Variants in RBL2 observed in about 807,000 individuals in gnomAD.
RBL2 encodes the protein retinoblastoma-like protein 2.
RBL2 carries 56 observed loss-of-function variants against 126.0 expected under a neutral mutation model. The ratio of observed to expected loss-of-function variants is 0.44; its 90% CI spans 0.36 to 0.56. The LOEUF is 0.56. Among genes scored for constraint, RBL2 ranks in the 20% least tolerant of loss-of-function variants. The pLI is 0.00. For synonymous variants in RBL2, 454 were observed against 478.5 expected (o/e 0.95, Z 0.67); for missense variants, 1,229 against 1,398.2 (o/e 0.88, Z 1.93).
At chr16:53,435,034 C>T (rs1274508703) in intron 1 of RBL2, among the ~76,000 whole-genome samples, 2 of 152,202 alleles carry the variant, frequency 1.3e-5, no homozygotes, top group African/African-American at 4.8e-5. Flanking sequence ...AGTAGCACAG[C>T]AAGGCTGAGA....
At chr16:53,440,953 C>CTTTTTTTTTTTTTTTTTT (rs1178378934) in intron 2 of RBL2, among the ~76,000 whole-genome samples, 1 of 71,672 alleles carries the variant, frequency 1.4e-5, no homozygotes, top group Non-Finnish European at 2.5e-5. Context: ...TTTTTCAGTT[C>CTTTTTTTTTTTTTTTTTT]TTTTTTTTTT....
At chr16:53,469,650 C>G (rs1338814396) in intron 14 of RBL2, among the ~76,000 whole-genome samples, 2 of 152,084 alleles carry the variant, frequency 1.3e-5, no homozygotes, top group African/African-American at 4.8e-5. Flanking sequence ...AGAGTCAGGT[C>G]TGATTTGGGA....
rs1369637740 is a variant in RBL2, at chr16:53,457,268, T to G, written c.1180-2183T>G. 6.8e-4 allele frequency among the ~76,000 whole-genome samples: 84 copies of G among 123,682 alleles called. 2 individuals are homozygous for G. Among genetic ancestry groups the G allele is most frequent in the African/African-American group, 2.9e-3 (83 of 28,852 alleles). 81.1% of individuals were successfully genotyped at this position (123,682 alleles called of 152,430 possible). ...GGTGGGTACAGATAGCTTTTTTTTT[T>G]TTTTTTTTTGAGATGGAGTCTCGCT... On this transcript the variant is annotated intron_variant, in intron 8 of 21. Coordinates refer to ENST00000262133, the MANE Select transcript of RBL2 (RefSeq NM_005611.4).
At chr16:53,469,501 G>T (rs2058301006) in intron 14 of RBL2, among the ~76,000 whole-genome samples, 1 of 152,140 alleles carries the variant, frequency 6.6e-6, no homozygotes, top group Admixed American at 6.5e-5. Flanking sequence ...TAGTGGCTCT[G>T]TAGTAAAATC....
intron 21 of RBL2, among the ~76,000 whole-genome samples, chr16:53,485,143 G>A (rs1961115597): frequency 2.6e-5 from 4 of 152,154 alleles, no homozygotes; most frequent in African/African-American, 9.7e-5. Context: ...CAAGTGCAGA[G>A]AGAACATTTA....
In RBL2 at chr16:53,439,162, T is replaced by A; in HGVS notation, c.371+16T>A. On this transcript the variant is annotated intron_variant, in intron 2 of 21. Coordinates refer to ENST00000262133, the MANE Select transcript of RBL2 (RefSeq NM_005611.4). Reference sequence around the variant, plus strand: ...CAGAGCAGAGGTAACTATGTTAGAGTTTGACAAGTAGAGTATGGCTAATGT... The same window carrying A: ...CAGAGCAGAGGTAACTATGTTAGAGATTGACAAGTAGAGTATGGCTAATGT... The A allele has an allele frequency of 6.4e-7, 1 of 1,567,042 alleles. No individual in the cohort carries two copies. Among genetic ancestry groups the A allele is most frequent in the Non-Finnish European group, 8.6e-7 (1 of 1,159,090 alleles).
At chr16:53,478,171 C>T (rs1960800887) in intron 17 of RBL2, among the ~76,000 whole-genome samples, 1 of 152,218 alleles carries the variant, frequency 6.6e-6, no homozygotes, top group South Asian at 2.1e-4. Flanking sequence ...GCCTCCTGGC[C>T]TCTGTAGTTT....
At position 53,461,743 on chromosome 16, in the gene RBL2, C is replaced by G; in HGVS notation, c.1349C>G (p.Thr450Arg). The change falls in exon 10 of 22, where the codon ACA (threonine) becomes AGA (arginine). Residue 450 changes from threonine (T) to arginine (R), a missense_variant and splice_region_variant. Physicochemically the swap from Thr to Arg is moderately conservative, Grantham distance 71. Transcript: ENST00000262133. Reference sequence around the variant, plus strand: ...TTATTTCTCATTACCTTTTTTAGGACATGTTCCAGAGATCCAACCCAGGCT... The same window carrying G: ...TTATTTCTCATTACCTTTTTTAGGAGATGTTCCAGAGATCCAACCCAGGCT... ...PSEKLEQILR[T>R]CSRDPTQAIA... 6.3e-7 allele frequency: 1 copy of G among 1,580,772 alleles called. No individual in the cohort carries two copies. The highest frequency in any genetic ancestry group is 8.6e-7 in the Non-Finnish European group (1 of 1,166,556).
chr16:53,448,330 G>A (rs2058083351), intron 4 of RBL2, among the ~76,000 whole-genome samples: 1 of 151,618 alleles, frequency 6.6e-6, no homozygotes, highest in South Asian at 2.1e-4. Flanking sequence ...CTAATTTTTT[G>A]TAGTTTTTAG....
In RBL2 at chr16:53,465,711, C is replaced by G. The variant is rs71390208; in HGVS notation, c.1863+109C>G. 7.2e-3 allele frequency: 6,240 copies of G among 871,682 alleles called. 31 individuals are homozygous for G. Among genetic ancestry groups the G allele is most frequent in the Non-Finnish European group, 9.0e-3 (5,674 of 628,378 alleles). The allele number at this position is 871,682 out of a possible 1,614,324, so 54.0% of individuals were successfully genotyped here. On this transcript the variant is annotated intron_variant, in intron 13 of 21. Transcript: ENST00000262133. ...AATTAGGTTTAATATGTTATAATTACACCTTGTTATGAGAAAAATCTTGGA... is the reference window on the plus strand; with the variant it reads ...AATTAGGTTTAATATGTTATAATTAGACCTTGTTATGAGAAAAATCTTGGA...
intron 4 of RBL2, chr16:53,448,909 A>G (rs941268870): frequency 2.0e-5 from 3 of 152,220 alleles, no homozygotes; most frequent in African/African-American, 7.2e-5. Flanking sequence ...GGCCTCTGGG[A>G]AGAATGTGTT....
intron 3 of RBL2, chr16:53,443,473 TAG>T (rs2058035388): frequency 6.6e-6 from 1 of 152,216 alleles, no homozygotes; most frequent in South Asian, 2.1e-4. Flanking sequence ...GAATTCAGAA[TAG>T]AGAGACTGGA....
chr16:53,451,370 G>T (rs976861426), intron 4 of RBL2, among the ~76,000 whole-genome samples: 12 of 152,070 alleles, frequency 7.9e-5, no homozygotes, highest in African/African-American at 2.9e-4. Flanking sequence ...GCCATGTGTG[G>T]TGGCGTGTAC....
At chr16:53,483,226 A>T (rs893215732) in intron 21 of RBL2, among the ~76,000 whole-genome samples, 2 of 152,042 alleles carry the variant, frequency 1.3e-5, no homozygotes, top group African/African-American at 2.4e-5. Flanking sequence ...TCAGTGTACT[A>T]TTTTTTTCAA....
chr16:53,468,581 G>C (rs1466111858), intron 14 of RBL2, among the ~76,000 whole-genome samples: 3 of 152,046 alleles, frequency 2.0e-5, no homozygotes, highest in Non-Finnish European at 4.4e-5. Flanking sequence ...GTTTTCCTGA[G>C]ATCTCTTGAT....
chr16:53,458,839 G>GAACGGA (rs2058192778), intron 8 of RBL2, among the ~76,000 whole-genome samples: 4 of 152,152 alleles, frequency 2.6e-5, no homozygotes, highest in Admixed American at 6.5e-5. Context: ...AATAGAACGG[G>GAACGGA]AAAGACTGGC....
intron 1 of RBL2, chr16:53,435,807 T>C (rs1435923365): frequency 1.4e-5 from 17 of 1,189,500 alleles, no homozygotes; most frequent in Non-Finnish European, 1.9e-5. Flanking sequence ...TTTTAATTTG[T>C]ATTTGCATTA....
chr16:53,477,598 A>G (rs1960780314), intron 17 of RBL2, among the ~76,000 whole-genome samples: 1 of 152,098 alleles, frequency 6.6e-6, no homozygotes, highest in South Asian at 2.1e-4. Context: ...CACTTGCCTC[A>G]GCCTCACAAA....
At chr16:53,462,826 T>C (rs1426972282) in intron 11 of RBL2, among the ~76,000 whole-genome samples, 171 bp downstream of exon 11, 2 of 148,170 alleles carry the variant, frequency 1.3e-5, no homozygotes, top group Non-Finnish European at 2.9e-5. Flanking sequence ...GCTTTTGTTT[T>C]ATGTATGTAT....
Sources: gnomAD v4.1 joint callset for allele counts (sites outside exome capture counted in the v4.1 genomes callset) on GRCh38, gnomAD v4.1.1 for gene constraint, MANE v1.5 for transcripts, NCBI Gene and HGNC (gene_info 2026-07-23, HGNC 2026-07-21) for gene names.